MOB1B: variants seen among roughly 807,000 people sequenced by gnomAD.
MOB1B encodes MOB1 Mps One Binder homolog B.
In MOB1B, 19 loss-of-function variants were observed where a neutral mutation model predicts 24.4. The ratio of observed to expected loss-of-function variants is 0.78; its 90% CI spans 0.54 to 1.14. The LOEUF is 1.14. MOB1B is among the 50% of genes most tolerant of loss of function. The pLI, the probability that MOB1B is intolerant of heterozygous loss-of-function variation, is 0.00. For synonymous variants in MOB1B, 76 were observed against 82.1 expected, an observed-to-expected ratio of 0.93 and a Z score of 0.40; for missense variants, 243 against 259.6, an observed-to-expected ratio of 0.94 and a Z score of 0.44.
At chr4:70,959,102 A>G in intron 2 of MOB1B, 62 bp downstream of exon 2, 2 of 1,403,392 alleles carry the variant, frequency 1.4e-6, no homozygotes, top group Admixed American at 3.6e-5. Flanking sequence ...ATTGTTGGTG[A>G]GTGTTGGTGC....
intron 4 of MOB1B, 36 bp from the exon 5 acceptor site, chr4:70,979,092 C>G (rs1739105850): frequency 5.1e-6 from 8 of 1,568,622 alleles, no homozygotes; most frequent in Non-Finnish European, 5.2e-6. Flanking sequence ...GTTGTCATCT[C>G]TTGTTACTAG....
rs1440463885 is a variant in MOB1B, at chr4:70,982,095, G to A, written c.*38G>A. 8 of 1,432,028 alleles carry A rather than the reference G, an allele frequency of 5.6e-6. No individual in the cohort carries two copies. Among genetic ancestry groups the A allele is most frequent in the Middle Eastern group, 1.8e-4 (1 of 5,706 alleles). 88.7% of individuals were successfully genotyped at this position (1,432,028 alleles called of 1,614,324 possible). On this transcript the variant is annotated 3_prime_UTR_variant, in exon 6 of 6. Transcript: ENST00000309395. ...CTGTGCAAATTGTTCCTCAAATGAAGCAGTGTGGAGTGTATTGGGGATTTT... is the reference window on the plus strand; with the variant it reads ...CTGTGCAAATTGTTCCTCAAATGAAACAGTGTGGAGTGTATTGGGGATTTT...
chr4:70,916,414 G>C (rs1736196989), intron 1 of MOB1B, among the ~76,000 whole-genome samples: 1 of 152,218 alleles, frequency 6.6e-6, no homozygotes, highest in South Asian at 2.1e-4. Flanking sequence ...GTGCACGAGA[G>C]AGACTATTAT....
At chr4:70,915,159 C>T (rs1470167908) in intron 1 of MOB1B, among the ~76,000 whole-genome samples, 1 of 152,092 alleles carries the variant, frequency 6.6e-6, no homozygotes, top group South Asian at 2.1e-4. Context: ...TAGCCAATTT[C>T]TATCGGTTTG....
At position 70,987,235 on chromosome 4, in the gene MOB1B, G is replaced by A. The variant is rs1164782346; in HGVS notation, c.*5178G>A. Reference sequence around the variant, plus strand: ...TTTTAAATTATTTCACTGAAGCTGAGATTATTAGTGATACAAAGTTAAAAT... The same window carrying A: ...TTTTAAATTATTTCACTGAAGCTGAAATTATTAGTGATACAAAGTTAAAAT... On this transcript the variant is annotated 3_prime_UTR_variant, in exon 6 of 6. Transcript: ENST00000309395. 1 of 151,794 alleles carries A rather than the reference G, an allele frequency of 6.6e-6. No individual in the cohort carries two copies. Among genetic ancestry groups the A allele is most frequent in the Non-Finnish European group, 1.5e-5 (1 of 67,896 alleles). 9.4% of individuals were successfully genotyped at this position (151,794 alleles called of 1,614,324 possible). A position where few individuals can be genotyped will look rare whatever the true frequency, so the allele number is the denominator to read the frequency against.
chr4:70,908,911 C>T (rs1390684314), intron 1 of MOB1B, among the ~76,000 whole-genome samples: 2 of 151,146 alleles, frequency 1.3e-5, no homozygotes, highest in Non-Finnish European at 2.9e-5. Flanking sequence ...AGTAGCTGGG[C>T]GTAGTGGCGG....
chr4:70,918,428 C>T (rs1736280947), intron 1 of MOB1B, among the ~76,000 whole-genome samples: 1 of 151,742 alleles, frequency 6.6e-6, no homozygotes, highest in Admixed American at 6.6e-5. Context: ...ATTTGCATTT[C>T]TCTGATGGCC....
At position 70,979,161 on chromosome 4, in the gene MOB1B, C is replaced by A; in HGVS notation, c.443C>A (p.Ala148Glu). 1.2e-6 allele frequency: 2 copies of A among 1,613,610 alleles called. No individual in the cohort carries two copies. Among genetic ancestry groups the A allele is most frequent in the Admixed American group, 1.7e-5 (1 of 59,990 alleles). ...TTCCCAAAGAATTTCATGTCTGTGGCAAAAACTATACTCAAACGCCTCTTT... is the reference window on the plus strand; with the variant it reads ...TTCCCAAAGAATTTCATGTCTGTGGAAAAAACTATACTCAAACGCCTCTTT... Reference protein sequence around the residue: ...VPFPKNFMSVAKTILKRLFRV... With the variant: ...VPFPKNFMSVEKTILKRLFRV... Residue 148 changes from alanine to glutamate, a missense_variant, in exon 5 of 6, where the codon GCA becomes GAA. Coordinates refer to ENST00000309395, the MANE Select transcript of MOB1B (RefSeq NM_173468.4).
intron 1 of MOB1B, among the ~76,000 whole-genome samples, chr4:70,916,084 T>C (rs1442900976): frequency 5.9e-5 from 9 of 152,214 alleles, no homozygotes; most frequent in Admixed American, 5.9e-4. Context: ...CATGAACGAC[T>C]CCATTTTAGT....
Position 70,958,870 on chromosome 4 carries a change from A to G in MOB1B, c.15-4A>G, listed in dbSNP as rs543777207. 2.3e-5 allele frequency: 37 copies of G among 1,601,928 alleles called. No homozygotes were observed. Among genetic ancestry groups the G allele is most frequent in the East Asian group, 1.6e-4 (7 of 44,766 alleles). On this transcript the variant is annotated splice_region_variant and splice_polypyrimidine_tract_variant and intron_variant, in intron 1 of 5. Coordinates refer to ENST00000309395, the MANE Select transcript of MOB1B (RefSeq NM_173468.4). ...AACCCTTTTTTTTTCTTTTCTATTC[A>G]TAGTGGTAGTCGCTCTTCTAAAACT... is the stretch of plus-strand genomic sequence containing the variant.
intron 4 of MOB1B, chr4:70,976,499 A>T: frequency 1.0e-6 from 1 of 985,296 alleles, no homozygotes; most frequent in Non-Finnish European, 1.2e-6. Context: ...GGGCAGACTT[A>T]TCAAGTAGAA....
Position 70,985,846 on chromosome 4 carries a change from C to G in MOB1B, c.*3789C>G. The G allele has an allele frequency of 6.6e-6, 1 of 152,136 alleles. No homozygotes were observed. The allele number at this position is 152,136 out of a possible 1,614,324, so 9.4% of individuals were successfully genotyped here. A position where few individuals can be genotyped will look rare whatever the true frequency, so the allele number is the denominator to read the frequency against. ...GTATGACCTATCTTAATCATCAGCT[C>G]AACTGTAATTTAAATTTGGCTGTTC... On this transcript the variant is annotated 3_prime_UTR_variant, in exon 6 of 6. Coordinates refer to ENST00000309395, the MANE Select transcript of MOB1B (RefSeq NM_173468.4).
chr4:70,928,516 C>T (rs1480865133), intron 1 of MOB1B, among the ~76,000 whole-genome samples: 4 of 152,014 alleles, frequency 2.6e-5, no homozygotes, highest in African/African-American at 7.2e-5. Context: ...AGGCTGGTCT[C>T]GAACTCTTGA....
chr4:70,951,049 C>T (rs1737782469), intron 1 of MOB1B, among the ~76,000 whole-genome samples: 1 of 152,080 alleles, frequency 6.6e-6, no homozygotes, highest in African/African-American at 2.4e-5. Flanking sequence ...TAACACAAAT[C>T]ATTTATTTTA....
chr4:70,929,687 C>T (rs1405551168), intron 1 of MOB1B, among the ~76,000 whole-genome samples: 1 of 151,228 alleles, frequency 6.6e-6, no homozygotes, highest in Non-Finnish European at 1.5e-5. Flanking sequence ...ACTCTGTCGC[C>T]CAGGCTGGAG....
At chr4:70,942,043 A>G (rs1185955806) in intron 1 of MOB1B, among the ~76,000 whole-genome samples, 1 of 152,200 alleles carries the variant, frequency 6.6e-6, no homozygotes, top group Non-Finnish European at 1.5e-5. Context: ...ATTATGCATC[A>G]GAAGTATGCT....
At chr4:70,931,115 A>G (rs1325700528) in intron 1 of MOB1B, among the ~76,000 whole-genome samples, 2 of 152,122 alleles carry the variant, frequency 1.3e-5, no homozygotes, top group East Asian at 1.9e-4. Flanking sequence ...TAGAGAAATC[A>G]TGGTTGTCCT....
intron 2 of MOB1B, among the ~76,000 whole-genome samples, chr4:70,964,910 A>G (rs1286950839): frequency 1.3e-5 from 2 of 151,882 alleles, no homozygotes; most frequent in Non-Finnish European, 2.9e-5. Flanking sequence ...AGCCTAGGCA[A>G]CAAGAGTGAA....
At chr4:70,936,689 G>T (rs2148882287) in intron 1 of MOB1B, among the ~76,000 whole-genome samples, 1 of 152,150 alleles carries the variant, frequency 6.6e-6, no homozygotes, top group Non-Finnish European at 1.5e-5. Flanking sequence ...TCATGTCTTG[G>T]TTTACTTTTG....
Sources: allele counts gnomAD v4.1 joint callset (sites outside exome capture counted in the v4.1 genomes callset), GRCh38; gene constraint gnomAD v4.1.1; transcripts MANE v1.5; gene names NCBI Gene and HGNC (gene_info 2026-07-23, HGNC 2026-07-21).